LHFPL5: variants seen among roughly 807,000 people sequenced by gnomAD.
LHFPL5 encodes LHFPL tetraspan subfamily member 5 protein.
A neutral mutation model predicts 18.7 loss-of-function variants in LHFPL5; 12 were observed. The observed-to-expected ratio is 0.64, with a 90% CI of 0.41 to 1.04. The LOEUF is 1.04. Among genes scored for constraint, LHFPL5 ranks in the 50% least tolerant of loss-of-function variants. The pLI, the probability that LHFPL5 is intolerant of heterozygous loss-of-function variation, is 0.00. For missense variants in LHFPL5, 259 were observed against 292.1 expected, an observed-to-expected ratio of 0.89 and a Z score of 0.83; for synonymous variants, 111 against 120.2, an observed-to-expected ratio of 0.92 and a Z score of 0.50.
chr6:35,806,951 A>G (rs1768579218), intron 1 of LHFPL5, among the ~76,000 whole-genome samples: 2 of 152,080 alleles, frequency 1.3e-5, no homozygotes, highest in African/African-American at 2.4e-5. Flanking sequence ...CAGCCTCCCA[A>G]GTAGCTGGGA....
At chr6:35,817,941 C>G (rs908470646) in intron 2 of LHFPL5, among the ~76,000 whole-genome samples, 1 of 152,146 alleles carries the variant, frequency 6.6e-6, no homozygotes, top group Admixed American at 6.6e-5. Context: ...AAATGGAATA[C>G]AATTCAGTGG....
intron 2 of LHFPL5, among the ~76,000 whole-genome samples, chr6:35,818,380 A>G (rs1332261539): frequency 1.7e-5 from 2 of 117,610 alleles, no homozygotes; most frequent in African/African-American, 7.2e-5. Context: ...TTTTTTTGAG[A>G]CAGATTCTGG....
chr6:35,815,150 G>A (rs1056749251), intron 2 of LHFPL5, among the ~76,000 whole-genome samples: 1 of 152,146 alleles, frequency 6.6e-6, no homozygotes, highest in African/African-American at 2.4e-5. Context: ...AACAACAGCA[G>A]ATGAGTTGCT....
chr6:35,805,581 G>A lies in LHFPL5; in HGVS notation c.-90G>A. On this transcript the variant is annotated 5_prime_UTR_variant, in exon 1 of 4. Coordinates refer to ENST00000360215, the MANE Select transcript of LHFPL5 (RefSeq NM_182548.4). The surrounding 1 kb of genome is among the most constrained non-coding windows in gnomAD (Gnocchi z 4.3). ...GACCTCAGCCTCCTCCCCAAACCCC[G>A]CTGGGGAGTGACCTGCTTCTAGGCC... 3 of 1,438,450 alleles carry A rather than the reference G, an allele frequency of 2.1e-6. No homozygotes were observed. Among genetic ancestry groups the A allele is most frequent in the Non-Finnish European group, 1.9e-6 (2 of 1,032,356 alleles). The allele number at this position is 1,438,450 out of a possible 1,614,324, so 89.1% of individuals were successfully genotyped here. A position where few individuals can be genotyped will look rare whatever the true frequency, so the allele number is the denominator to read the frequency against.
chr6:35,813,064 G>A (rs990618858), intron 1 of LHFPL5, among the ~76,000 whole-genome samples: 28 of 151,652 alleles, frequency 1.8e-4, no homozygotes, highest in African/African-American at 6.3e-4. Context: ...CAAAAAAAAA[G>A]AAAAGAAAGC....
intron 2 of LHFPL5, among the ~76,000 whole-genome samples, chr6:35,817,924 A>T (rs955237301): frequency 2.0e-5 from 3 of 152,236 alleles, no homozygotes; most frequent in African/African-American, 4.8e-5. Flanking sequence ...GCAGCATAAT[A>T]GCCAAAAAAT....
chr6:35,814,534 C>T lies in LHFPL5; in HGVS notation c.413-12C>T. ...CGGCCTGATGCCATGTGCACCCCTCCTTCCCCCTCAGCCACAGGCCTAATG... is the reference window on the plus strand; with the variant it reads ...CGGCCTGATGCCATGTGCACCCCTCTTTCCCCCTCAGCCACAGGCCTAATG... On this transcript the variant is annotated splice_polypyrimidine_tract_variant and intron_variant, in intron 1 of 3. Transcript: ENST00000360215. The surrounding 1 kb of genome is among the most constrained non-coding windows in gnomAD (Gnocchi z 4.2). 1 of 1,604,734 alleles carries T rather than the reference C, an allele frequency of 6.2e-7. No individual in the cohort carries two copies. The highest frequency in any genetic ancestry group is 8.5e-7 in the Non-Finnish European group (1 of 1,171,414).
intron 1 of LHFPL5, chr6:35,811,486 A>C (rs1194538970): frequency 6.6e-6 from 1 of 152,292 alleles, no homozygotes; most frequent in Non-Finnish European, 1.5e-5. Flanking sequence ...TAGAGCCTTG[A>C]GATGCCACAA....
Position 35,816,087 on chromosome 6 carries a change from C to T in LHFPL5, c.649+1305C>T, listed in dbSNP as rs182171211. ...TGGGGAGGCTGAGGCAGGAGAATGG[C>T]GTGAACCCGGGAAGCGGAGCTTGCA... On this transcript the variant is annotated intron_variant, in intron 2 of 3. Coordinates refer to ENST00000360215, the MANE Select transcript of LHFPL5 (RefSeq NM_182548.4). 3.8e-3 allele frequency among the ~76,000 whole-genome samples: 575 copies of T among 150,742 alleles called. 2 individuals carry two copies. The highest frequency in any genetic ancestry group is 0.013 in the African/African-American group (541 of 40,954).
chr6:35,819,569 A>C, intron 3 of LHFPL5, 106 bp downstream of exon 3: 1 of 1,076,580 alleles, frequency 9.3e-7, no homozygotes, highest in Non-Finnish European at 1.4e-6. Context: ...CTGGGCTGTA[A>C]GGCTGTGATG....
rs71838634 is a variant in LHFPL5 at position 35,823,380 on chromosome 6, CATATAT to C, written c.*419_*424del. Reference sequence around the variant, plus strand: ...CTGTGTCTGATAGCATACACACACACATATATATACACACACACACACACACACACA... The same window carrying C: ...CTGTGTCTGATAGCATACACACACACATACACACACACACACACACACACA... On this transcript the variant is annotated 3_prime_UTR_variant, in exon 4 of 4. Transcript: ENST00000360215. The C allele has an allele frequency of 1.7e-3, 107 of 62,024 alleles. 4 individuals are homozygous for C. In the South Asian group the frequency reaches 0.025, roughly 15 times the overall value. 3.8% of individuals were successfully genotyped at this position (62,024 alleles called of 1,614,324 possible).
At chr6:35,821,343 G>A (rs1768862391) in intron 3 of LHFPL5, among the ~76,000 whole-genome samples, 1 of 151,866 alleles carries the variant, frequency 6.6e-6, no homozygotes, top group South Asian at 2.1e-4. Flanking sequence ...TTCAGTTGGT[G>A]GGGTGGGTCT....
At chr6:35,819,314 A>G (rs1768822589) in intron 2 of LHFPL5, 123 bp from the exon 3 acceptor site, 1 of 909,276 alleles carries the variant, frequency 1.1e-6, no homozygotes, top group Non-Finnish European at 1.8e-6. Context: ...TATGAACAAA[A>G]AAGTGCAAGC....
In LHFPL5 at chr6:35,806,011, G is replaced by C; in HGVS notation, c.341G>C (p.Cys114Ser). The stretch of plus-strand genomic sequence containing the variant: ...TTCCTCATCATTGGCTCCATCATCT[G>C]CTTCAGCCTGTTCTTCATCTGCAAC... ...GMFLIIGSII[C>S]FSLFFICNTA... The change falls in exon 1 of 4, where the codon TGC becomes TCC. Residue 114 changes from cysteine (C) to serine (S), a missense_variant. By Grantham distance (112) the Cys-to-Ser change is moderately radical. Coordinates refer to ENST00000360215, the MANE Select transcript of LHFPL5 (RefSeq NM_182548.4). 1 of 1,614,196 alleles carries C rather than the reference G, an allele frequency of 6.2e-7. No homozygotes were observed.
intron 1 of LHFPL5, among the ~76,000 whole-genome samples, chr6:35,810,604 A>G (rs918066046): frequency 6.6e-6 from 1 of 152,168 alleles, no homozygotes; most frequent in East Asian, 1.9e-4. Flanking sequence ...CAACTGGGAA[A>G]GTCCCAGGCA....
chr6:35,823,438 CACAT>C lies in LHFPL5; in HGVS notation c.*475_*478del, dbSNP rs1456265786. 51 of 118,008 alleles carry C rather than the reference CACAT, an allele frequency of 4.3e-4. 1 individual carries two copies. The highest frequency in any genetic ancestry group is 6.8e-4 in the Admixed American group (8 of 11,772). The allele number at this position is 118,008 out of a possible 1,614,324, so 7.3% of individuals were successfully genotyped here. ...ACACACACACACATACATACACACA[CACAT>C]ATATATACACACACACACACACACA... On this transcript the variant is annotated 3_prime_UTR_variant, in exon 4 of 4. Transcript: ENST00000360215.
At chr6:35,815,717 G>T (rs1768747434) in intron 2 of LHFPL5, among the ~76,000 whole-genome samples, 1 of 152,152 alleles carries the variant, frequency 6.6e-6, no homozygotes, top group African/African-American at 2.4e-5. Flanking sequence ...AGCCCAAAAG[G>T]GAAAGTCACT....
chr6:35,818,047 A>G (rs1270459775), intron 2 of LHFPL5, among the ~76,000 whole-genome samples: 1 of 152,238 alleles, frequency 6.6e-6, no homozygotes, highest in Non-Finnish European at 1.5e-5. Context: ...ATGAAGTAGT[A>G]AGCATTGCTA....
chr6:35,814,717 T>A lies in LHFPL5; in HGVS notation c.584T>A (p.Leu195Gln), dbSNP rs1211306021. ...GGCGACGCCCTCATCCTCTCCTTCC[T>A]GGCCTTCGTGTTGGGCTACCGGCAG... ...SIGDALILSF[L>Q]AFVLGYRQDK... Residue 195 changes from leucine (L) to glutamine (Q), a missense_variant, in exon 2 of 4, where the codon CTG becomes CAG. By Grantham distance (113) the Leu-to-Gln change is moderately radical. Coordinates refer to ENST00000360215, the MANE Select transcript of LHFPL5 (RefSeq NM_182548.4). This position sits in a 1 kb window ranked among gnomAD's most constrained non-coding sequence, Gnocchi z 4.2. 1.9e-6 allele frequency: 3 copies of A among 1,614,086 alleles called. No homozygotes were observed. Among genetic ancestry groups the A allele is most frequent in the Admixed American group, 1.7e-5 (1 of 60,002 alleles).
Sources: allele counts gnomAD v4.1 joint callset (sites outside exome capture counted in the v4.1 genomes callset), GRCh38; gene constraint gnomAD v4.1.1; non-coding constraint Gnocchi (gnomAD v3.1); transcripts MANE v1.5; gene names NCBI Gene and HGNC (gene_info 2026-07-23, HGNC 2026-07-21).